The following ARHGAP30 variants were observed in gnomAD, a reference collection of about 807,000 sequenced individuals.
The protein encoded by ARHGAP30 is rho GTPase-activating protein 30.
ARHGAP30 carries 23 observed loss-of-function variants against 72.0 expected under a neutral mutation model. The ratio of observed to expected loss-of-function variants is 0.32; its 90% CI spans 0.23 to 0.45. The LOEUF (loss-of-function observed/expected upper bound fraction) is 0.45. Ranked by LOEUF, ARHGAP30 falls within the 20% of genes least tolerant of loss-of-function variation. The pLI is 1.00. For missense variants in ARHGAP30, 1,319 were observed against 1,383.4 expected, an observed-to-expected ratio of 0.95 and a Z score of 0.74; for synonymous variants, 576 against 528.2, an observed-to-expected ratio of 1.09 and a Z score of -1.24.
intron 1 of ARHGAP30, among the ~76,000 whole-genome samples, chr1:161,068,761 C>T (rs536526523): frequency 5.1e-4 from 77 of 152,182 alleles, no homozygotes; most frequent in African/African-American, 1.8e-3. Flanking sequence ...CTTCAAAGCC[C>T]ACTCTAAGGT....
At chr1:161,068,833 C>G (rs572959708) in intron 1 of ARHGAP30, among the ~76,000 whole-genome samples, 16 of 152,280 alleles carry the variant, frequency 1.1e-4, no homozygotes, top group African/African-American at 3.9e-4. Context: ...CCTTTGCACC[C>G]TCCACCTCCA....
rs369992522 is a variant in ARHGAP30, at chr1:161,049,857, T to C, written c.1421-168A>G. Among the ~76,000 whole-genome samples the C allele has an allele frequency of 1.2e-3, 189 of 152,322 alleles. 2 individuals are homozygous for C. In the South Asian group the frequency reaches 0.029, roughly 23 times the overall value. On this transcript the variant is annotated intron_variant, in intron 10 of 11. Transcript: ENST00000368013. ...CCTAGTTATTGGCTTGCTACCTTAA[T>C]TGAGACCCTACCAGGTGCCAAGCAC...
Position 161,048,326 on chromosome 1 carries a change from C to T in ARHGAP30, c.2695G>A (p.Glu899Lys), listed in dbSNP as rs1646223724. The T allele has an allele frequency of 6.2e-7, 1 of 1,614,182 alleles. No homozygotes were observed. The highest frequency in any genetic ancestry group is 1.3e-5 in the African/African-American group (1 of 75,058). The part of the protein sequence containing the change: ...APQPPQPEEM[E>K]PEGQPSPDGC... ...TCTGGACTGGGCTGCCCCTCAGGCT[C>T]CATCTCCTCTGGCTGAGGTGGCTGT... Residue 899 changes from glutamate to lysine, a missense_variant, in exon 12 of 12, where the codon GAG (glutamate) becomes AAG (lysine). Physicochemically the swap from Glu to Lys is moderately conservative, Grantham distance 56. Transcript: ENST00000368013.
In ARHGAP30 at chr1:161,054,610, G is replaced by C; in HGVS notation, c.428+13C>G. On this transcript the variant is annotated intron_variant, in intron 4 of 11. Transcript: ENST00000368013. ...TGTCTCAGGTTGCTGGGCAGATATG[G>C]AGTGTCACATACCTGTAGTTTGGGA... The C allele has an allele frequency of 6.2e-7, 1 of 1,612,918 alleles. No individual in the cohort carries two copies. The highest frequency in any genetic ancestry group is 1.3e-5 in the African/African-American group (1 of 75,020).
In ARHGAP30 at chr1:161,067,002, CCTT is replaced by C. The variant is rs561680259; in HGVS notation, c.97+2523_97+2525del. Among the ~76,000 whole-genome samples the C allele has an allele frequency of 9.2e-5, 14 of 152,264 alleles. No individual in the cohort carries two copies. In the South Asian group the frequency reaches 2.3e-3, roughly 25 times the overall value. On this transcript the variant is annotated intron_variant, in intron 1 of 11. Transcript: ENST00000368013. ...ACAAACCAGGTCTTCTCTATCCTAT[CCTT>C]CTCTGCTGATTTTGAACCTCCAGAG...
At position 161,047,572 on chromosome 1, in the gene ARHGAP30, ACAGT is replaced by A; in HGVS notation, c.*139_*142del. ...TAAACCAACCAAGGCAGTGCCTCCC[ACAGT>A]CAAAGAGAGAAGCTGGAGGGCCAAA... On this transcript the variant is annotated 3_prime_UTR_variant, in exon 12 of 12. Coordinates refer to ENST00000368013, the MANE Select transcript of ARHGAP30 (RefSeq NM_001025598.2). 3 of 836,830 alleles carry A rather than the reference ACAGT, an allele frequency of 3.6e-6. No homozygotes were observed. Among genetic ancestry groups the A allele is most frequent in the Non-Finnish European group, 5.1e-6 (3 of 588,042 alleles). 51.8% of individuals were successfully genotyped at this position (836,830 alleles called of 1,614,324 possible).
chr1:161,050,230 A>G (rs1474995890), intron 10 of ARHGAP30, among the ~76,000 whole-genome samples: 1 of 151,948 alleles, frequency 6.6e-6, no homozygotes, highest in African/African-American at 2.4e-5. Context: ...TAAGGCTAAC[A>G]ATACCTATGT....
At chr1:161,068,716 C>T (rs895301024) in intron 1 of ARHGAP30, among the ~76,000 whole-genome samples, 2 of 152,096 alleles carry the variant, frequency 1.3e-5, no homozygotes, top group Non-Finnish European at 2.9e-5. Context: ...TGCCAGGCCC[C>T]GTTGTGAACC....
chr1:161,048,164 T>G lies in ARHGAP30; in HGVS notation c.2857A>C (p.Met953Leu). Residue 953 changes from methionine (M) to leucine (L), a missense_variant, in exon 12 of 12, where the codon ATG becomes CTG. This residue lies in a region of ARHGAP30 where 1,097 missense variants were observed against 1,045.2 expected (regional missense o/e 1.05). Coordinates refer to ENST00000368013, the MANE Select transcript of ARHGAP30 (RefSeq NM_001025598.2). ...GGTGCCACATGAATCTTGCTACACA[T>G]TGCACTGGGCATCTTGGCAAACTGT... ...KPQFAKMPSA[M>L]CSKIHVAPAN... 6.2e-7 allele frequency: 1 copy of G among 1,614,148 alleles called. No individual in the cohort carries two copies. Among genetic ancestry groups the G allele is most frequent in the Non-Finnish European group, 8.5e-7 (1 of 1,180,012 alleles).
chr1:161,064,822 AGAAAGAAAGAGAAAGAAAGAAAGAAAG>A (rs1457063354), intron 1 of ARHGAP30, among the ~76,000 whole-genome samples: 10 of 54,794 alleles, frequency 1.8e-4, no homozygotes, highest in African/African-American at 1.5e-3. Flanking sequence ...AAAGAAAGAA[AGAAAGAAAGAGAAAGAAAGAAAGAAAG>A]GAAAGGAAGG....
chr1:161,061,158 G>C (rs1571111017), intron 1 of ARHGAP30, among the ~76,000 whole-genome samples: 1 of 151,770 alleles, frequency 6.6e-6, no homozygotes, highest in South Asian at 2.1e-4. Context: ...GTTGTTGTTG[G>C]GTTCTGTTTG....
chr1:161,047,446 G>T lies in ARHGAP30; in HGVS notation c.*269C>A. 1 of 302,072 alleles carries T rather than the reference G, an allele frequency of 3.3e-6. No homozygotes were observed. The highest frequency in any genetic ancestry group is 6.1e-6 in the Non-Finnish European group (1 of 164,664). 18.7% of individuals were successfully genotyped at this position (302,072 alleles called of 1,614,324 possible). ...CTTTTAAGTTTTCTGCCTACCTTATGTTCCCTTTGGCCAATGACCCACTCC... is the reference window on the plus strand; with the variant it reads ...CTTTTAAGTTTTCTGCCTACCTTATTTTCCCTTTGGCCAATGACCCACTCC... On this transcript the variant is annotated 3_prime_UTR_variant, in exon 12 of 12. Transcript: ENST00000368013.
rs1437663670 is a variant in ARHGAP30 at position 161,052,464 on chromosome 1, G to C, written c.916C>G (p.Leu306Val). 1.2e-6 allele frequency: 2 copies of C among 1,613,696 alleles called. No individual in the cohort carries two copies. Among genetic ancestry groups the C allele is most frequent in the Non-Finnish European group, 1.7e-6 (2 of 1,180,002 alleles). The change falls in exon 8 of 12, where the codon CTT becomes GTT. Residue 306 changes from leucine to valine, a missense_variant. By Grantham distance (32) the Leu-to-Val change is conservative. Coordinates refer to ENST00000368013, the MANE Select transcript of ARHGAP30 (RefSeq NM_001025598.2). The part of the protein sequence containing the change: ...GRSGHETKRK[L>V]PRGAEDREDK... ...CCCCTGTCCTCAGCCCCCCGTGGAA[G>C]TTTACGCTTAGTCTCATGGCCAGAG...
chr1:161,064,316 T>A (rs556690777), intron 1 of ARHGAP30, among the ~76,000 whole-genome samples: 116 of 152,372 alleles, frequency 7.6e-4, no homozygotes, highest in African/African-American at 2.6e-3. Flanking sequence ...ATCGGGGCAG[T>A]TCCCCCGGTA....
At position 161,047,937 on chromosome 1, in the gene ARHGAP30, G is replaced by T. The variant is rs778036107; in HGVS notation, c.3084C>A (p.Cys1028Ter). 2.1e-5 allele frequency: 34 copies of T among 1,613,674 alleles called. No individual in the cohort carries two copies. The highest frequency in any genetic ancestry group is 7.7e-5 in the South Asian group (7 of 91,060). Reference sequence around the variant, plus strand: ...TACAAGGGGAGGTTCTGGGGATGAGGCAGTAATCCCCACCCTCAGTACAGG... The same window carrying T: ...TACAAGGGGAGGTTCTGGGGATGAGTCAGTAATCCCCACCCTCAGTACAGG... ...TQTCTEGGDY[C>*]LIPRTSPCSM... The change falls in exon 12 of 12, where the codon TGC becomes TGA. Residue 1028 changes from cysteine to a stop codon, truncating the protein, a stop_gained. Transcript: ENST00000368013. LOFTEE classifies it high-confidence loss of function.
chr1:161,052,287 A>G lies in ARHGAP30; in HGVS notation c.1017T>C (p.Asp339=). The change falls in exon 9 of 12, where the codon GAT becomes GAC. Residue 339 remains aspartate (D), a splice_region_variant and synonymous_variant. Transcript: ENST00000368013. Reference sequence around the variant, plus strand: ...ACAGAAATGCACCCCTATACTCACCATCACTGGCCCCAGCTGCAGCACTCA... The same window carrying G: ...ACAGAAATGCACCCCTATACTCACCGTCACTGGCCCCAGCTGCAGCACTCA... The part of the protein sequence containing the change: ...DSLSAAAGAS[D]EPEGLVGPSS... 1.2e-6 allele frequency: 2 copies of G among 1,613,858 alleles called. No homozygotes were observed. The highest frequency in any genetic ancestry group is 1.7e-6 in the Non-Finnish European group (2 of 1,179,992).
chr1:161,063,032 C>T (rs1166584821), intron 1 of ARHGAP30, among the ~76,000 whole-genome samples: 1 of 152,176 alleles, frequency 6.6e-6, no homozygotes. Context: ...CAGGCTGTCT[C>T]GAACTCCCGA....
chr1:161,049,389 C>A, intron 11 of ARHGAP30, 35 bp downstream of exon 11: 1 of 1,598,192 alleles, frequency 6.3e-7, no homozygotes, highest in Non-Finnish European at 8.5e-7. Flanking sequence ...CCCTTGACTC[C>A]ATGCCACCCC....
chr1:161,051,768 T>C (rs1399107168), intron 9 of ARHGAP30, 53 bp from the exon 10 acceptor site: 9 of 1,497,044 alleles, frequency 6.0e-6, no homozygotes, highest in African/African-American at 5.6e-5. Flanking sequence ...CCAAGGGGCC[T>C]AGACATCTCA....
Sources: gnomAD v4.1 joint callset for allele counts (sites outside exome capture counted in the v4.1 genomes callset) on GRCh38, gnomAD v4.1.1 for gene constraint, gnomAD v4.1.1 regional missense constraint, MANE v1.5 for transcripts, NCBI Gene and HGNC (gene_info 2026-07-23, HGNC 2026-07-21) for gene names.